The following ANKS1A variants were observed in gnomAD, a reference collection of about 807,000 sequenced individuals.
The protein encoded by ANKS1A is ankyrin repeat and SAM domain-containing protein 1A.
Under a neutral mutation model 120.3 loss-of-function variants are expected in ANKS1A, and 55 were observed. The ratio of observed to expected loss-of-function variants is 0.46; its 90% CI spans 0.37 to 0.57. ANKS1A has a LOEUF of 0.57. Ranked by LOEUF, ANKS1A falls within the 20% of genes least tolerant of loss-of-function variation. ANKS1A has a pLI of 0.00. For synonymous variants in ANKS1A, 590 were observed against 604.7 expected, an observed-to-expected ratio of 0.98 and a Z score of 0.36; for missense variants, 1,123 against 1,480.3, an observed-to-expected ratio of 0.76 and a Z score of 3.96.
rs747927538 is a variant in ANKS1A, at chr6:34,989,231, G to A, written c.1217G>A (p.Arg406His). 14 of 1,613,550 alleles carry A rather than the reference G, an allele frequency of 8.7e-6. No individual in the cohort carries two copies. The highest frequency in any genetic ancestry group is 1.6e-4 in the Middle Eastern group (1 of 6,082). ...TTTTTTTCTCTTCTGCAGAGGGAAC[G>A]TCCACCACCTCCAGCAAAGCCACCG... ...VKPAGVRPRE[R>H]PPPPAKPPPD... The change falls in exon 9 of 24, where the codon CGT becomes CAT. Residue 406 changes from arginine (R) to histidine (H), a missense_variant. By Grantham distance (29) the Arg-to-His change is conservative (BLOSUM62 0). Transcript: ENST00000360359.
At chr6:34,930,954 A>G (rs1289875923) in intron 1 of ANKS1A, among the ~76,000 whole-genome samples, 1 of 148,984 alleles carries the variant, frequency 6.7e-6, no homozygotes, top group African/African-American at 2.5e-5. Context: ...TCAGCTCACT[A>G]CAACCTCTGC....
At chr6:34,912,442 C>G (rs13194106) in intron 1 of ANKS1A, among the ~76,000 whole-genome samples, 5,091 of 152,252 alleles carry the variant, frequency 0.033, 132 homozygotes, top group Middle Eastern at 0.065. Context: ...ACTATCCAAC[C>G]TCAACCTCAG....
At chr6:34,891,448 T>C (rs1280472955) in intron 1 of ANKS1A, among the ~76,000 whole-genome samples, 2 of 152,226 alleles carry the variant, frequency 1.3e-5, no homozygotes, top group Non-Finnish European at 2.9e-5. Flanking sequence ...TTACCTGGAT[T>C]TGCCACTCTG....
At chr6:34,961,541 T>C (rs1186805030) in intron 1 of ANKS1A, among the ~76,000 whole-genome samples, 1 of 152,216 alleles carries the variant, frequency 6.6e-6, no homozygotes, top group Admixed American at 6.5e-5. Flanking sequence ...TCTAATTGTT[T>C]TGAGGGAGTT....
intron 10 of ANKS1A, among the ~76,000 whole-genome samples, chr6:34,998,551 T>C (rs1410708363): frequency 1.3e-5 from 2 of 152,114 alleles, no homozygotes; most frequent in Non-Finnish European, 1.5e-5. Context: ...ACTGATGTTA[T>C]CTCTAGATTA....
downstream of ANKS1A, among the ~76,000 whole-genome samples, chr6:35,094,105 C>T (rs1314455958): frequency 1.3e-5 from 2 of 152,192 alleles, no homozygotes; most frequent in Non-Finnish European, 2.9e-5. Context: ...TGACCCCCAA[C>T]CTGGCAGTAG....
intron 1 of ANKS1A, among the ~76,000 whole-genome samples, chr6:34,909,537 A>G (rs9380469): frequency 0.45 from 69,005 of 152,178 alleles, 20,498 homozygotes; most frequent in African/African-American, 0.83. Context: ...AGAATGAATT[A>G]AGTTAATTTA....
At chr6:34,901,023 A>C (rs1157714638) in intron 1 of ANKS1A, among the ~76,000 whole-genome samples, 1 of 152,122 alleles carries the variant, frequency 6.6e-6, no homozygotes, top group African/African-American at 2.4e-5. Flanking sequence ...CGTGTTCATG[A>C]ATTTTACCTG....
rs925857501 is a variant in ANKS1A at position 35,088,473 on chromosome 6, C to G, written c.3402-133C>G. 6.1e-6 allele frequency: 7 copies of G among 1,152,824 alleles called. No individual in the cohort carries two copies. The Admixed American group carries it at 1.0e-4, about 17-fold the overall frequency. 71.4% of individuals were successfully genotyped at this position (1,152,824 alleles called of 1,614,324 possible). A position where few individuals can be genotyped will look rare whatever the true frequency, so the allele number is the denominator to read the frequency against. On this transcript the variant is annotated intron_variant, in intron 23 of 23. Coordinates refer to ENST00000360359, the MANE Select transcript of ANKS1A (RefSeq NM_015245.3). ...GGCTGCAGGCTGTGGGTGCTCAAAGCAGGCATGGAGGGTGCCCCGGGGAGG... is the reference window on the plus strand; with the variant it reads ...GGCTGCAGGCTGTGGGTGCTCAAAGGAGGCATGGAGGGTGCCCCGGGGAGG...
chr6:35,083,540 C>T, intron 20 of ANKS1A, 37 bp downstream of exon 20: 1 of 1,599,384 alleles, frequency 6.3e-7, no homozygotes, highest in Non-Finnish European at 8.6e-7. Context: ...GGGAGTGGGA[C>T]CCACATCCCC....
At chr6:35,006,228 C>A (rs1773446460) in intron 10 of ANKS1A, among the ~76,000 whole-genome samples, 1 of 149,412 alleles carries the variant, frequency 6.7e-6, no homozygotes, top group Non-Finnish European at 1.5e-5. Context: ...GGCGTGATAT[C>A]ACACACCTGT....
intron 1 of ANKS1A, among the ~76,000 whole-genome samples, chr6:34,892,828 AT>A (rs1219178998): frequency 6.6e-6 from 1 of 152,222 alleles, no homozygotes; most frequent in Non-Finnish European, 1.5e-5. Flanking sequence ...ATGTTTACAT[AT>A]AGCAACCCTC....
At chr6:35,024,241 C>T (rs1240419055) in intron 11 of ANKS1A, among the ~76,000 whole-genome samples, 1 of 152,138 alleles carries the variant, frequency 6.6e-6, no homozygotes, top group East Asian at 1.9e-4. Flanking sequence ...ACCCACAGCA[C>T]ACACACACAG....
intron 11 of ANKS1A, among the ~76,000 whole-genome samples, chr6:35,040,944 A>G (rs1482819684): frequency 2.6e-5 from 4 of 152,210 alleles, no homozygotes; most frequent in African/African-American, 9.6e-5. Flanking sequence ...TGGGGAAGGA[A>G]TAATGTTTTC....
At chr6:34,965,456 A>G (rs1403694567) in intron 1 of ANKS1A, among the ~76,000 whole-genome samples, 1 of 152,014 alleles carries the variant, frequency 6.6e-6, no homozygotes, top group Non-Finnish European at 1.5e-5. Flanking sequence ...GGTTCAAGCA[A>G]TTCTCCTGTC....
chr6:34,896,333 G>T (rs1003992283), intron 1 of ANKS1A, among the ~76,000 whole-genome samples: 2 of 152,094 alleles, frequency 1.3e-5, no homozygotes, highest in Non-Finnish European at 2.9e-5. Context: ...GCCTCCCAAA[G>T]TGCTGGAATT....
intron 11 of ANKS1A, among the ~76,000 whole-genome samples, chr6:35,019,765 G>T (rs1462874808): frequency 2.0e-5 from 3 of 152,116 alleles, no homozygotes; most frequent in African/African-American, 7.2e-5. Context: ...GAAGATAAGT[G>T]CAGTGTGCTC....
intron 11 of ANKS1A, among the ~76,000 whole-genome samples, chr6:35,042,174 T>G (rs987436397): frequency 6.6e-6 from 1 of 152,196 alleles, no homozygotes; most frequent in African/African-American, 2.4e-5. Context: ...TTCATTTTTT[T>G]AAAGAGGAAA....
intron 1 of ANKS1A, among the ~76,000 whole-genome samples, chr6:34,914,200 T>C (rs562708026): frequency 6.6e-6 from 1 of 152,312 alleles, no homozygotes; most frequent in African/African-American, 2.4e-5. Context: ...GGATTACAGG[T>C]GTGAGCCACC....
Sources: gnomAD v4.1 joint callset for allele counts (sites outside exome capture counted in the v4.1 genomes callset) on GRCh38, gnomAD v4.1.1 for gene constraint, MANE v1.5 for transcripts, NCBI Gene and HGNC (gene_info 2026-07-23, HGNC 2026-07-21) for gene names.